The following HEG1 variants were observed in gnomAD, a reference collection of about 807,000 sequenced individuals.
HEG1 encodes heart development protein with EGF like domains 1, also known as protein HEG homolog 1.
In HEG1, 56 loss-of-function variants were observed where a neutral mutation model predicts 125.6. The observed-to-expected ratio is 0.45, with a 90% CI of 0.36 to 0.56. HEG1 has a LOEUF of 0.56. Among genes scored for constraint, HEG1 ranks in the 20% least tolerant of loss-of-function variants. The probability of loss-of-function intolerance (pLI) is 0.00; values close to 1 mark genes in which losing one functional copy is unlikely to be tolerated. For missense variants in HEG1, 1,523 were observed against 1,670.0 expected (o/e 0.91, Z 1.53); for synonymous variants, 644 against 668.5 (o/e 0.96, Z 0.57).
Position 125,022,693 on chromosome 3 carries a change from AAAGAAATAAATAAATAAAAAG to A in HEG1, c.914-1584_914-1564del, listed in dbSNP as rs1176745014. Among the ~76,000 whole-genome samples, 5 of 116,950 alleles carry A rather than the reference AAAGAAATAAATAAATAAAAAG, an allele frequency of 4.3e-5. 1 individual carries two copies. The highest frequency in any genetic ancestry group is 2.9e-4 in the South Asian group (1 of 3,442). 76.7% of individuals were successfully genotyped at this position (116,950 alleles called of 152,430 possible). A position where few individuals can be genotyped will look rare whatever the true frequency, so the allele number is the denominator to read the frequency against. ...AAACACACTTCAGTATTAAAAAAAA[AAAGAAATAAATAAATAAAAAG>A]AAAAGAAAGCATTATAGATATGCCC... On this transcript the variant is annotated intron_variant, in intron 3 of 16. Transcript: ENST00000311127.
intron 1 of HEG1, among the ~76,000 whole-genome samples, chr3:125,032,804 T>C (rs1018818238): frequency 6.6e-6 from 1 of 152,188 alleles, no homozygotes; most frequent in Non-Finnish European, 1.5e-5. Context: ...GGGAAGGCAA[T>C]GAACTTGGCT....
rs571029319 is a variant in HEG1, at chr3:124,968,705, A to T, written c.*1947T>A. The T allele has an allele frequency of 1.3e-5, 2 of 152,300 alleles. No homozygotes were observed. Among genetic ancestry groups the T allele is most frequent in the South Asian group, 4.1e-4 (2 of 4,820 alleles). 9.4% of individuals were successfully genotyped at this position (152,300 alleles called of 1,614,324 possible). On this transcript the variant is annotated 3_prime_UTR_variant, in exon 17 of 17. Transcript: ENST00000311127. ...CTGCGGGTTCTGGGGGTGAGCAGGC[A>T]TGCTGCGGAAGGAGCCAAGAAGCCT...
At chr3:125,001,583 G>A (rs1260187202) in intron 11 of HEG1, among the ~76,000 whole-genome samples, 1 of 152,122 alleles carries the variant, frequency 6.6e-6, no homozygotes, top group South Asian at 2.1e-4. Context: ...CATCAACACT[G>A]GATAAAATAA....
intron 1 of HEG1, among the ~76,000 whole-genome samples, chr3:125,040,154 T>C (rs1937582461): frequency 6.6e-6 from 1 of 152,186 alleles, no homozygotes; most frequent in Admixed American, 6.5e-5. Flanking sequence ...ATGTGACGTT[T>C]GGGGTGATGT....
Position 125,013,891 on chromosome 3 carries a change from T to C in HEG1, c.1688A>G (p.Lys563Arg). Residue 563 changes from lysine to arginine, a missense_variant, in exon 6 of 17, where the codon AAA becomes AGA. Lys to Arg is a conservative substitution (Grantham distance 26). Coordinates refer to ENST00000311127, the MANE Select transcript of HEG1 (RefSeq NM_020733.2). ...DHTYLSSTFT[K>R]GERALLSITD... ...AATGGACAGTAACGCCCGTTCTCCT[T>C]TGGTGAAAGTAGATGACAGGTAGGT... is the stretch of plus-strand genomic sequence containing the variant. 1 of 1,613,814 alleles carries C rather than the reference T, an allele frequency of 6.2e-7. No homozygotes were observed. Among genetic ancestry groups the C allele is most frequent in the South Asian group, 1.1e-5 (1 of 91,046 alleles).
In HEG1 at chr3:125,040,671, CTAAAAT is replaced by C. The variant is rs1176152962; in HGVS notation, c.317-11189_317-11184del. 1.2e-4 allele frequency among the ~76,000 whole-genome samples: 18 copies of C among 151,594 alleles called. No homozygotes were observed. The East Asian group carries it at 3.5e-3, about 29-fold the overall frequency. ...TTCTTTGTCATTTTAAAACATTTTC[CTAAAAT>C]TTAATTGTTCACACAGGGAGGGGAG... On this transcript the variant is annotated intron_variant, in intron 1 of 16. Transcript: ENST00000311127.
intron 1 of HEG1, among the ~76,000 whole-genome samples, chr3:125,044,727 G>A (rs1007699832): frequency 6.6e-6 from 1 of 152,114 alleles, no homozygotes; most frequent in African/African-American, 2.4e-5. Context: ...AAATAAGAAA[G>A]GGCAAAACTA....
chr3:124,987,148 T>G (rs1405547014), intron 14 of HEG1, among the ~76,000 whole-genome samples: 1 of 152,142 alleles, frequency 6.6e-6, no homozygotes, highest in Non-Finnish European at 1.5e-5. Flanking sequence ...GAGGCTACAG[T>G]GAGCCATGAT....
intron 1 of HEG1, among the ~76,000 whole-genome samples, chr3:125,038,619 A>G (rs1201152279): frequency 6.6e-6 from 1 of 152,194 alleles, no homozygotes; most frequent in Non-Finnish European, 1.5e-5. Context: ...CTGAAGTCCA[A>G]TGACTGATCC....
chr3:124,996,904 G>A (rs1360112526), intron 12 of HEG1, among the ~76,000 whole-genome samples: 1 of 152,190 alleles, frequency 6.6e-6, no homozygotes, highest in African/African-American at 2.4e-5. Flanking sequence ...ATAAGTCAGG[G>A]TGCGTGGTGC....
rs748772887 is a variant in HEG1, at chr3:124,970,683, C to T, written c.4115G>A (p.Ser1372Asn). 10 of 1,605,804 alleles carry T rather than the reference C, an allele frequency of 6.2e-6. No individual in the cohort carries two copies. The highest frequency in any genetic ancestry group is 8.5e-6 in the Non-Finnish European group (10 of 1,175,974). ...GTAGTCTCTTCTTCTGCTTTCATCA[C>T]TGATGAAAGACGGGTTATACTGTCC... ...FPGQYNPSFI[S>N]DESRRRDYF Residue 1372 changes from serine (S) to asparagine (N), a missense_variant, in exon 17 of 17, where the codon AGT becomes AAT. Physicochemically the swap from Ser to Asn is conservative, Grantham distance 46 (BLOSUM62 1). Transcript: ENST00000311127.
intron 1 of HEG1, among the ~76,000 whole-genome samples, chr3:125,047,758 C>G (rs576683883): frequency 6.6e-6 from 1 of 152,290 alleles, no homozygotes; most frequent in East Asian, 1.9e-4. Context: ...TAGTCACAGC[C>G]CTGCACTAGG....
chr3:125,010,183 A>G (rs535422495), intron 7 of HEG1, among the ~76,000 whole-genome samples: 2 of 152,324 alleles, frequency 1.3e-5, no homozygotes, highest in East Asian at 1.9e-4. Flanking sequence ...TCAGCACAGT[A>G]AAGTCCAGGG....
At position 124,967,157 on chromosome 3, in the gene HEG1, C is replaced by T. The variant is rs1011707137; in HGVS notation, c.*3495G>A. On this transcript the variant is annotated 3_prime_UTR_variant, in exon 17 of 17. Coordinates refer to ENST00000311127, the MANE Select transcript of HEG1 (RefSeq NM_020733.2). ...CCCTCAAAGGAGGAAGATGTGTCAG[C>T]GTTTAAGACATTCCACTGAATATGT... is the stretch of plus-strand genomic sequence containing the variant. 4.6e-5 allele frequency: 7 copies of T among 152,202 alleles called. No individual in the cohort carries two copies. The highest frequency in any genetic ancestry group is 2.1e-4 in the South Asian group (1 of 4,834). 9.4% of individuals were successfully genotyped at this position (152,202 alleles called of 1,614,324 possible).
chr3:125,009,941 G>A, intron 7 of HEG1, 117 bp from the exon 8 acceptor site: 1 of 1,051,612 alleles, frequency 9.5e-7, no homozygotes, highest in South Asian at 2.1e-5. Context: ...AGACCCCAAA[G>A]GATAAGTATG....
At chr3:125,040,613 C>T (rs989636879) in intron 1 of HEG1, among the ~76,000 whole-genome samples, 1 of 152,076 alleles carries the variant, frequency 6.6e-6, no homozygotes, top group Non-Finnish European at 1.5e-5. Context: ...TCTTAGATAC[C>T]AGCAATGGAT....
chr3:124,988,053 T>C (rs778179112), intron 14 of HEG1, among the ~76,000 whole-genome samples: 57 of 151,116 alleles, frequency 3.8e-4, no homozygotes, highest in Non-Finnish European at 7.4e-5. Flanking sequence ...TTCAGCCTCC[T>C]TTTTCCACAT....
chr3:124,990,735 C>A, intron 14 of HEG1, 52 bp downstream of exon 14: 1 of 1,531,542 alleles, frequency 6.5e-7, no homozygotes, highest in Non-Finnish European at 8.9e-7. Flanking sequence ...TGTGCACTAA[C>A]AACAGGGCCA....
chr3:125,013,002 G>T lies in HEG1; in HGVS notation c.2577C>A (p.Thr859=). ...TGACCAGAGATGCTGTGCTTGACAG[G>T]GTGCCAGGAGTGGTCATAAGAGGCT... ...TSQPLMTTPG[T]LSSTASLVTG... Residue 859 remains threonine (T), a synonymous_variant, in exon 6 of 17, where the codon ACC becomes ACA. Coordinates refer to ENST00000311127, the MANE Select transcript of HEG1 (RefSeq NM_020733.2). 1 of 1,614,054 alleles carries T rather than the reference G, an allele frequency of 6.2e-7. No individual in the cohort carries two copies.
Sources: allele counts gnomAD v4.1 joint callset (sites outside exome capture counted in the v4.1 genomes callset), GRCh38; gene constraint gnomAD v4.1.1; transcripts MANE v1.5; gene names NCBI Gene and HGNC (gene_info 2026-07-23, HGNC 2026-07-21).